The following CCDC144A variants were observed in gnomAD, a reference collection of about 807,000 sequenced individuals.
CCDC144A encodes coiled-coil domain containing 144A.
A neutral mutation model predicts 143.8 loss-of-function variants in CCDC144A; 41 were observed. The observed-to-expected ratio is 0.29, with a 90% confidence interval of 0.22 to 0.37. CCDC144A has a LOEUF of 0.37. Among genes scored for constraint, CCDC144A ranks in the 10% least tolerant of loss-of-function variants. CCDC144A has a pLI of 1.00. For synonymous variants in CCDC144A, 242 were observed against 517.9 expected (o/e 0.47, Z 7.23); for missense variants, 637 against 1,488.8 (o/e 0.43, Z 9.41).
intron 1 of CCDC144A, among the ~76,000 whole-genome samples, chr17:16,691,279 G>T (rs2882117): frequency 0.29 from 43,523 of 151,624 alleles, 7,292 homozygotes; most frequent in African/African-American, 0.47. Context: ...CAGAAAGAGA[G>T]GAGTTTCCTT....
At chr17:16,744,878 A>C (rs559066206) in intron 12 of CCDC144A, among the ~76,000 whole-genome samples, 1 of 152,320 alleles carries the variant, frequency 6.6e-6, no homozygotes, top group Admixed American at 6.5e-5. Flanking sequence ...TTACAAATAA[A>C]GTATCTAAAA....
intron 12 of CCDC144A, among the ~76,000 whole-genome samples, chr17:16,748,333 G>T (rs1914633523): frequency 6.6e-6 from 1 of 152,012 alleles, no homozygotes; most frequent in African/African-American, 2.4e-5. Context: ...AAGCTTTTTT[G>T]CATCTTTTGA....
At chr17:16,688,575 A>G (rs2002499), upstream of CCDC144A, among the ~76,000 whole-genome samples, 54,029 of 139,622 alleles carry the variant, frequency 0.39, 11,220 homozygotes, top group African/African-American at 0.6. Flanking sequence ...TGCAACCTCC[A>G]CCTCCTGGGT....
intron 6 of CCDC144A, 176 bp downstream of exon 6, chr17:16,711,991 G>A (rs1912477368): frequency 1.1e-6 from 1 of 918,732 alleles, no homozygotes; most frequent in African/African-American, 1.7e-5. Context: ...TTAGCCAGAT[G>A]TAGTGGTGCA....
chr17:16,759,090 C>A (rs995135422), intron 12 of CCDC144A, among the ~76,000 whole-genome samples: 9 of 152,176 alleles, frequency 5.9e-5, no homozygotes, highest in African/African-American at 2.2e-4. Flanking sequence ...CAGACTTTCT[C>A]CTGGCAGCAC....
chr17:16,766,655 G>A (rs1915608695), intron 15 of CCDC144A, among the ~76,000 whole-genome samples: 1 of 152,214 alleles, frequency 6.6e-6, no homozygotes, highest in South Asian at 2.1e-4. Flanking sequence ...CAGGAGAATT[G>A]CTTGAACCTG....
chr17:16,704,078 A>G (rs936344165), intron 2 of CCDC144A, among the ~76,000 whole-genome samples: 6 of 152,194 alleles, frequency 3.9e-5, no homozygotes, highest in African/African-American at 1.4e-4. Flanking sequence ...GTGGTTGTGG[A>G]TAAATGCACC....
chr17:16,761,558 A>G lies in CCDC144A; in HGVS notation c.3506A>G (p.Lys1169Arg), dbSNP rs1915372342. The G allele has an allele frequency of 6.3e-7, 1 of 1,591,050 alleles. No individual in the cohort carries two copies. ...CAAAAGCAATGTGAAACACTACAGA[A>G]GAATAAGAAGCAGCTGAAACAAGAA... ...AIQKQCETLQ[K>R]NKKQLKQEVV... Residue 1169 changes from lysine to arginine, a missense_variant, in exon 13 of 17, where the codon AAG (lysine) becomes AGG (arginine). By Grantham distance (26) the Lys-to-Arg change is conservative. Transcript: ENST00000399273.
At chr17:16,680,500 T>C in the CCDC144A span, among the ~76,000 whole-genome samples, 1 of 151,130 alleles carries the variant, frequency 6.6e-6, no homozygotes, top group Non-Finnish European at 1.5e-5. Context: ...GTGAGTCTTG[T>C]TAACACCACT....
the CCDC144A span, among the ~76,000 whole-genome samples, chr17:16,668,686 ATATAG>A: frequency 6.6e-6 from 1 of 152,192 alleles, no homozygotes; most frequent in African/African-American, 2.4e-5. Flanking sequence ...TGTTGTCATT[ATATAG>A]TATTTACATG....
the CCDC144A span, among the ~76,000 whole-genome samples, chr17:16,667,369 A>G: frequency 1.4e-5 from 2 of 142,946 alleles, no homozygotes; most frequent in African/African-American, 2.8e-5. Flanking sequence ...GAGGCGGCTG[A>G]GGGGCTGAGG....
rs1911980863 is a variant in CCDC144A, at chr17:16,705,271, A to G, written c.536A>G (p.Lys179Arg). The G allele has an allele frequency of 7.4e-6, 7 of 949,062 alleles. No individual in the cohort carries two copies. Among genetic ancestry groups the G allele is most frequent in the Non-Finnish European group, 1.2e-5 (7 of 588,528 alleles). 58.8% of individuals were successfully genotyped at this position (949,062 alleles called of 1,614,324 possible). A position where few individuals can be genotyped will look rare whatever the true frequency, so the allele number is the denominator to read the frequency against. ...PSMPENQSATKELGQMNLTER... is the reference protein window; with the variant it reads ...PSMPENQSATRELGQMNLTER... Reference sequence around the variant, plus strand: ...ATGCCTGAAAATCAGTCAGCAACCAAAGAACTGGGACAGATGAACTTAACA... The same window carrying G: ...ATGCCTGAAAATCAGTCAGCAACCAGAGAACTGGGACAGATGAACTTAACA... The change falls in exon 3 of 17, where the codon AAA becomes AGA. Residue 179 changes from lysine to arginine, a missense_variant. Physicochemically the swap from Lys to Arg is conservative, Grantham distance 26. Coordinates refer to ENST00000399273, the MANE Select transcript of CCDC144A (RefSeq NM_001382000.1).
chr17:16,668,215 G>A, the CCDC144A span, among the ~76,000 whole-genome samples: 1 of 150,712 alleles, frequency 6.6e-6, no homozygotes, highest in African/African-American at 2.4e-5. Flanking sequence ...ATTTCTCCAC[G>A]TTCATTAATA....
At chr17:16,746,005 C>T (rs1008750106) in intron 12 of CCDC144A, 575 of 1,611,354 alleles carry the variant, frequency 3.6e-4, no homozygotes, top group Non-Finnish European at 4.5e-4. Flanking sequence ...GATTCTTGTT[C>T]TTGAGATCTC....
At chr17:16,688,575 AC>A (rs1567579238), upstream of CCDC144A, among the ~76,000 whole-genome samples, 1 of 139,750 alleles carries the variant, frequency 7.2e-6, no homozygotes. Context: ...TGCAACCTCC[AC>A]CTCCTGGGTT....
rs1356423026 is a variant in CCDC144A at position 16,714,410 on chromosome 17, C to G, written c.1715+2595C>G. ...GGGGTACCGATATTCTTTCTCATAC[C>G]TACCCCTCACATGGTCTTTCCTACT... On this transcript the variant is annotated intron_variant, in intron 6 of 16. Coordinates refer to ENST00000399273, the MANE Select transcript of CCDC144A (RefSeq NM_001382000.1). 2.0e-5 allele frequency among the ~76,000 whole-genome samples: 3 copies of G among 152,116 alleles called. No individual in the cohort carries two copies. In the East Asian group the frequency reaches 5.8e-4, roughly 29 times the overall value.
the CCDC144A span, among the ~76,000 whole-genome samples, chr17:16,677,120 C>T: frequency 6.6e-6 from 1 of 152,048 alleles, no homozygotes; most frequent in South Asian, 2.1e-4. Context: ...CCTATATCCA[C>T]ATGTCCTCTT....
intron 12 of CCDC144A, among the ~76,000 whole-genome samples, chr17:16,751,597 C>T (rs961383980): frequency 6.6e-6 from 1 of 152,360 alleles, no homozygotes; most frequent in East Asian, 1.9e-4. Context: ...GAGGGCTGCA[C>T]ACCTCCCACC....
intron 15 of CCDC144A, chr17:16,764,776 C>G (rs1915525192): frequency 6.5e-6 from 1 of 154,212 alleles, no homozygotes; most frequent in Non-Finnish European, 1.4e-5. Context: ...TGTTTTAATC[C>G]CAATTTTAGT....
Sources: allele counts gnomAD v4.1 joint callset (sites outside exome capture counted in the v4.1 genomes callset), GRCh38; gene constraint gnomAD v4.1.1; transcripts MANE v1.5; gene names NCBI Gene and HGNC (gene_info 2026-07-23, HGNC 2026-07-21).